The following MGAT4C variants were observed in gnomAD, a reference collection of about 807,000 sequenced individuals.
MGAT4C encodes alpha-1,3-mannosyl-glycoprotein 4-beta-N-acetylglucosaminyltransferase C.
A neutral mutation model predicts 40.1 loss-of-function variants in MGAT4C; 19 were observed. The ratio of observed to expected loss-of-function variants is 0.47; its 90% CI spans 0.33 to 0.70. MGAT4C has a LOEUF of 0.70. Among genes scored for constraint, MGAT4C ranks in the 30% least tolerant of loss-of-function variants. The probability of loss-of-function intolerance (pLI) is 0.02; values close to 1 mark genes in which losing one functional copy is unlikely to be tolerated. For synonymous variants in MGAT4C, 181 were observed against 187.1 expected, an observed-to-expected ratio of 0.97 and a Z score of 0.27; for missense variants, 491 against 563.2, an observed-to-expected ratio of 0.87 and a Z score of 1.30.
intron 3 of MGAT4C, among the ~76,000 whole-genome samples, chr12:86,350,277 G>A (rs1411824498): frequency 1.3e-5 from 2 of 152,012 alleles, no homozygotes; most frequent in East Asian, 1.9e-4. Context: ...TATAGCAAAC[G>A]TCCCAAGGAA....
chr12:86,442,031 C>A (rs1211897483), intron 2 of MGAT4C, among the ~76,000 whole-genome samples: 4 of 152,064 alleles, frequency 2.6e-5, no homozygotes, highest in African/African-American at 9.7e-5. Context: ...TTAATGATTG[C>A]CATTCTAACT....
rs78191195 is a variant in MGAT4C at position 86,740,271 on chromosome 12, G to A, written c.-261-13030C>T. ...TTCTTTGAAAAAATACTACTTTTGT[G>A]ATGGTTCAAAAGTTGTAAAAATAAT... On this transcript the variant is annotated intron_variant, in intron 1 of 7. Coordinates refer to the MGAT4C transcript ENST00000548651. 3.2e-4 allele frequency among the ~76,000 whole-genome samples: 49 copies of A among 151,166 alleles called. 1 individual carries two copies. The highest frequency in any genetic ancestry group is 8.2e-4 in the African/African-American group (34 of 41,410).
chr12:86,033,663 G>A (rs1417038459), intron 2 of MGAT4C, among the ~76,000 whole-genome samples: 1 of 149,448 alleles, frequency 6.7e-6, no homozygotes, highest in African/African-American at 2.4e-5. Context: ...AAGAGACTAT[G>A]GGGTTTTCTA....
At chr12:86,317,948 T>C (rs954303546) in intron 4 of MGAT4C, among the ~76,000 whole-genome samples, 2 of 151,770 alleles carry the variant, frequency 1.3e-5, no homozygotes, top group South Asian at 2.1e-4. Flanking sequence ...AGTTATCCTT[T>C]TCCTTCTCCA....
chr12:86,002,829 CTCACGCTG>C (rs940336102), intron 2 of MGAT4C, among the ~76,000 whole-genome samples: 6 of 151,912 alleles, frequency 3.9e-5, no homozygotes, highest in Admixed American at 2.0e-4. Context: ...GAGACAGATT[CTCACGCTG>C]TCACTCAGGC....
At chr12:86,576,820 C>T (rs1300403189) in intron 2 of MGAT4C, among the ~76,000 whole-genome samples, 1 of 151,630 alleles carries the variant, frequency 6.6e-6, no homozygotes, top group Non-Finnish European at 1.5e-5. Flanking sequence ...TCTTTACTTC[C>T]ATATTCATTT....
At chr12:86,742,987 GTGTGTGTA>G (rs909420206) in intron 1 of MGAT4C, among the ~76,000 whole-genome samples, 3 of 148,916 alleles carry the variant, frequency 2.0e-5, no homozygotes, top group African/African-American at 7.4e-5. Flanking sequence ...GTATATATGT[GTGTGTGTA>G]TGTGTGTATG....
intron 1 of MGAT4C, among the ~76,000 whole-genome samples, chr12:86,116,953 T>A (rs1878525820): frequency 1.3e-5 from 2 of 152,172 alleles, no homozygotes; most frequent in Non-Finnish European, 2.9e-5. Flanking sequence ...AAATTTGTAT[T>A]TTCTATCAGT....
intron 2 of MGAT4C, among the ~76,000 whole-genome samples, chr12:86,557,323 C>T (rs1473621177): frequency 2.0e-5 from 3 of 152,176 alleles, no homozygotes; most frequent in Non-Finnish European, 2.9e-5. Flanking sequence ...AGGCCTGCCT[C>T]ACCCACCATT....
intron 4 of MGAT4C, among the ~76,000 whole-genome samples, chr12:86,265,814 A>G (rs1039393349): frequency 2.0e-5 from 3 of 152,150 alleles, no homozygotes; most frequent in African/African-American, 7.2e-5. Context: ...TGTGTCATCT[A>G]CAATTTCTTT....
At chr12:86,722,933 A>G (rs1459084062) in intron 2 of MGAT4C, among the ~76,000 whole-genome samples, 2 of 152,156 alleles carry the variant, frequency 1.3e-5, no homozygotes, top group Non-Finnish European at 2.9e-5. Context: ...TATGGAAAAT[A>G]TAGGTCCACC....
intron 2 of MGAT4C, among the ~76,000 whole-genome samples, chr12:86,451,652 C>T (rs1194060560): frequency 6.6e-6 from 1 of 152,042 alleles, no homozygotes; most frequent in Non-Finnish European, 1.5e-5. Flanking sequence ...ATTATTTTCT[C>T]TTTCCAAAAC....
chr12:86,786,204 C>A (rs35817091), intron 1 of MGAT4C, among the ~76,000 whole-genome samples: 1 of 151,988 alleles, frequency 6.6e-6, no homozygotes, highest in Non-Finnish European at 1.5e-5. Context: ...AATGCAATGT[C>A]GTAGATACTA....
At position 85,983,678 on chromosome 12, in the gene MGAT4C, C is replaced by T. The variant is rs369818737; in HGVS notation, c.148-8G>A. On this transcript the variant is annotated splice_polypyrimidine_tract_variant and splice_region_variant and intron_variant, in intron 3 of 4. Coordinates refer to ENST00000611864, the MANE Select transcript of MGAT4C (RefSeq NM_001351288.2). ...AAGTTGTTTGTCTCCTTCCTAAATACCAAGAAAGAAGCAAGGAAAATATAT... is the reference window on the plus strand; with the variant it reads ...AAGTTGTTTGTCTCCTTCCTAAATATCAAGAAAGAAGCAAGGAAAATATAT... 2.6e-6 allele frequency: 4 copies of T among 1,545,086 alleles called. No individual in the cohort carries two copies. The highest frequency in any genetic ancestry group is 1.7e-4 in the Middle Eastern group (1 of 5,808).
chr12:86,536,624 T>C (rs1959073297), intron 2 of MGAT4C, among the ~76,000 whole-genome samples: 1 of 152,164 alleles, frequency 6.6e-6, no homozygotes, highest in Admixed American at 6.5e-5. Context: ...AACAAAAATT[T>C]AGTTGAGGAC....
At chr12:85,982,650 T>C (rs1884739032) in intron 4 of MGAT4C, among the ~76,000 whole-genome samples, 1 of 152,228 alleles carries the variant, frequency 6.6e-6, no homozygotes, top group South Asian at 2.1e-4. Context: ...TATAGTATGT[T>C]ACTTCTTGGC....
chr12:86,056,553 G>T (rs1230689483), intron 1 of MGAT4C, among the ~76,000 whole-genome samples: 2 of 152,132 alleles, frequency 1.3e-5, no homozygotes, highest in African/African-American at 4.8e-5. Context: ...TCCCTGCAAA[G>T]CACATGAACT....
intron 2 of MGAT4C, among the ~76,000 whole-genome samples, chr12:86,508,952 G>T (rs1423006080): frequency 6.6e-6 from 1 of 151,520 alleles, no homozygotes; most frequent in Non-Finnish European, 1.5e-5. Context: ...GTAGATTCTG[G>T]ATATTAGCCC....
At chr12:86,783,887 T>C (rs529597562) in intron 1 of MGAT4C, among the ~76,000 whole-genome samples, 1 of 152,292 alleles carries the variant, frequency 6.6e-6, no homozygotes, top group East Asian at 1.9e-4. Context: ...GACTGCTTAC[T>C]ATGGGTGGAA....
Sources: allele counts gnomAD v4.1 joint callset (sites outside exome capture counted in the v4.1 genomes callset), GRCh38; gene constraint gnomAD v4.1.1; transcripts MANE v1.5; gene names NCBI Gene and HGNC (gene_info 2026-07-23, HGNC 2026-07-21).